The following ABCA4 variants were observed in gnomAD, a reference collection of about 807,000 sequenced individuals.
ABCA4 encodes the protein ATP binding cassette subfamily A member 4.
Under a neutral mutation model 263.7 loss-of-function variants are expected in ABCA4, and 196 were observed. The observed-to-expected ratio is 0.74, with a 90% CI of 0.66 to 0.84. The LOEUF (loss-of-function observed/expected upper bound fraction) is 0.84, where lower values mean the gene tolerates loss of function less well. Among genes scored for constraint, ABCA4 ranks in the 40% least tolerant of loss-of-function variants. ABCA4 has a pLI of 0.00. For missense variants in ABCA4, 2,792 were observed against 2,855.1 expected (o/e 0.98, Z 0.50); for synonymous variants, 1,133 against 1,094.2 (o/e 1.04, Z -0.70).
chr1:94,015,408 G>A (rs1659702878), intron 37 of ABCA4, among the ~76,000 whole-genome samples: 3 of 152,122 alleles, frequency 2.0e-5, no homozygotes, highest in Admixed American at 6.5e-5. Context: ...GGCCACAGAT[G>A]AGTGAGAGTC....
chr1:94,109,359 C>T (rs4147814), intron 3 of ABCA4, among the ~76,000 whole-genome samples: 74,723 of 151,966 alleles, frequency 0.49, 18,658 homozygotes, highest in East Asian at 0.66. Context: ...CTGAGACCTG[C>T]CCTTCCACCC....
rs1010010120 is a variant in ABCA4 at position 94,054,419 on chromosome 1, C to T, written c.2587+692G>A. 6.6e-5 allele frequency among the ~76,000 whole-genome samples: 10 copies of T among 152,208 alleles called. No individual in the cohort carries two copies. The South Asian group carries it at 1.0e-3, about 16-fold the overall frequency. On this transcript the variant is annotated intron_variant, in intron 16 of 49. Transcript: ENST00000370225. ...CCTGGAGGAATGTTGTTTACAGAGC[C>T]ATAGTTATGTAGATCTCTTCAGTCT...
At chr1:93,994,275 T>C (rs1658941126) in intron 49 of ABCA4, among the ~76,000 whole-genome samples, 1 of 152,252 alleles carries the variant, frequency 6.6e-6, no homozygotes, top group Non-Finnish European at 1.5e-5. Flanking sequence ...CTGGTTTTAA[T>C]AACAGAGTAT....
intron 38 of ABCA4, 133 bp downstream of exon 38, chr1:94,014,410 G>T (rs1363315037): frequency 1.0e-5 from 10 of 994,982 alleles, no homozygotes; most frequent in Non-Finnish European, 1.4e-5. Flanking sequence ...AGGGTCGGGG[G>T]TAGGGAGGAA....
Position 94,019,778 on chromosome 1 carries a change from C to A in ABCA4, c.5019-19G>T. 1 of 1,607,084 alleles carries A rather than the reference C, an allele frequency of 6.2e-7. No homozygotes were observed. Among genetic ancestry groups the A allele is most frequent in the East Asian group, 2.2e-5 (1 of 44,734 alleles). ...GGTCAGCCTGCAGCAGGGCCAGAGA[C>A]ACAGGGAGAGGGCGATGAAGAGGGA... is the stretch of plus-strand genomic sequence containing the variant. On this transcript the variant is annotated intron_variant, in intron 35 of 49. Transcript: ENST00000370225.
chr1:94,000,901 G>A lies in ABCA4; in HGVS notation c.6414C>T (p.Thr2138=). Reference sequence around the variant, plus strand: ...CGCCCTTTACCATGATGGCCAGCCGGGTACACAGTGCCTCACATTCTTCCA... The same window carrying A: ...CGCCCTTTACCATGATGGCCAGCCGAGTACACAGTGCCTCACATTCTTCCA... ...HSMEECEALC[T]RLAIMVKGAF... is the part of the protein sequence containing the mutation. Residue 2138 remains threonine (T), a synonymous_variant, in exon 47 of 50, where the codon ACC becomes ACT. Transcript: ENST00000370225. 2 of 1,614,194 alleles carry A rather than the reference G, an allele frequency of 1.2e-6. No individual in the cohort carries two copies. Among genetic ancestry groups the A allele is most frequent in the South Asian group, 2.2e-5 (2 of 91,082 alleles).
intron 11 of ABCA4, among the ~76,000 whole-genome samples, chr1:94,073,829 A>G (rs1466692473): frequency 9.6e-6 from 1 of 103,726 alleles, no homozygotes; most frequent in African/African-American, 3.2e-5. Context: ...AGTATTCTTT[A>G]TATACTTTGC....
chr1:93,996,525 A>T (rs1361476562), intron 48 of ABCA4, among the ~76,000 whole-genome samples: 1 of 152,046 alleles, frequency 6.6e-6, no homozygotes, highest in Non-Finnish European at 1.5e-5. Context: ...AAGGTAATTG[A>T]TCCCTGTTCA....
chr1:94,000,553 A>G lies in ABCA4; in HGVS notation c.6479+283T>C, dbSNP rs12070278. On this transcript the variant is annotated intron_variant, in intron 47 of 49. Transcript: ENST00000370225. ...GGTGAAATATTGAGGCAGTGGTAGC[A>G]GCCCTCCCTCATCCCAGCCAGGCTC... 0.13 allele frequency among the ~76,000 whole-genome samples: 19,406 copies of G among 152,222 alleles called. 2,072 individuals carry two copies. The highest frequency in any genetic ancestry group is 0.29 in the African/African-American group (12,140 of 41,492).
chr1:94,069,648 T>C (rs1661355548), intron 11 of ABCA4, among the ~76,000 whole-genome samples: 1 of 152,194 alleles, frequency 6.6e-6, no homozygotes, highest in Non-Finnish European at 1.5e-5. Flanking sequence ...CAGAATGAGT[T>C]TCCTGGCTAA....
chr1:93,997,819 A>G, intron 48 of ABCA4, 42 bp downstream of exon 48: 1 of 1,612,678 alleles, frequency 6.2e-7, no homozygotes, highest in Non-Finnish European at 8.5e-7. Flanking sequence ...GGTGTTCTGG[A>G]CCAGTCTTTG....
intron 6 of ABCA4, among the ~76,000 whole-genome samples, chr1:94,093,647 C>A (rs1256711982): frequency 1.4e-5 from 1 of 69,018 alleles, no homozygotes; most frequent in Non-Finnish European, 3.5e-5. Flanking sequence ...CTTTGTAAAT[C>A]CATAAAAGAA....
chr1:94,057,297 T>C (rs549706152), intron 14 of ABCA4, among the ~76,000 whole-genome samples: 29 of 152,354 alleles, frequency 1.9e-4, no homozygotes, highest in Non-Finnish European at 3.7e-4. Flanking sequence ...CATTTTAATG[T>C]GCCTAAGTTT....
intron 6 of ABCA4, among the ~76,000 whole-genome samples, chr1:94,090,082 G>A (rs986691746): frequency 6.6e-5 from 10 of 152,164 alleles, no homozygotes; most frequent in African/African-American, 2.4e-4. Flanking sequence ...CCACTAATGG[G>A]CACATCTTGG....
chr1:94,050,399 T>C (rs1157025156), intron 17 of ABCA4, among the ~76,000 whole-genome samples: 1 of 152,214 alleles, frequency 6.6e-6, no homozygotes, highest in African/African-American at 2.4e-5. Flanking sequence ...TATTTTTTAA[T>C]CTGTGAAAGG....
Position 94,103,107 on chromosome 1 carries a change from C to T in ABCA4, c.478G>A (p.Glu160Lys). The change falls in exon 5 of 50, where the codon GAA (glutamate) becomes AAA (lysine). Residue 160 changes from glutamate (E) to lysine (K), a missense_variant. Transcript: ENST00000370225. ...ATGAGAAATAGTGTCAGTGTTTCTT[C>T]ATCTTTCAAGATATCCCTTATTCGT... The part of the protein sequence containing the change: ...GIRIRDILKD[E>K]ETLTLFLIKN... The T allele has an allele frequency of 2.5e-6, 4 of 1,614,002 alleles. No individual in the cohort carries two copies. Among genetic ancestry groups the T allele is most frequent in the Non-Finnish European group, 3.4e-6 (4 of 1,179,890 alleles).
chr1:94,068,537 G>A (rs977531301), intron 11 of ABCA4, among the ~76,000 whole-genome samples: 4 of 152,202 alleles, frequency 2.6e-5, no homozygotes, highest in Admixed American at 6.5e-5. Context: ...ACATAAGTAC[G>A]TTTGGGAGAC....
At position 94,040,703 on chromosome 1, in the gene ABCA4, G is replaced by A. The variant is rs1286827130; in HGVS notation, c.3522+506C>T. Among the ~76,000 whole-genome samples the A allele has an allele frequency of 3.3e-5, 5 of 152,308 alleles. No individual in the cohort carries two copies. The East Asian group carries it at 7.7e-4, about 23-fold the overall frequency. On this transcript the variant is annotated intron_variant, in intron 23 of 49. Coordinates refer to ENST00000370225, the MANE Select transcript of ABCA4 (RefSeq NM_000350.3). ...TAAATAATTTGCCTAGGATGACACA[G>A]TTTGTTCACTTCGCAGCACAGACAT...
At chr1:94,120,900 A>AACCCCCCCCC in intron 1 of ABCA4, 80 bp downstream of exon 1, 1 of 247,126 alleles carries the variant, frequency 4.0e-6, no homozygotes, top group South Asian at 3.3e-5. Context: ...CCACCACCCT[A>AACCCCCCCCC]CCCCACCACC....
Sources: allele counts gnomAD v4.1 joint callset (sites outside exome capture counted in the v4.1 genomes callset), GRCh38; gene constraint gnomAD v4.1.1; transcripts MANE v1.5; gene names NCBI Gene and HGNC (gene_info 2026-07-23, HGNC 2026-07-21).